The following SLC38A8 variants were observed in gnomAD, a reference collection of about 807,000 sequenced individuals.
SLC38A8 encodes the protein amino acid transporter SLC38A8.
In SLC38A8, 65 loss-of-function variants were observed where a neutral mutation model predicts 46.0. The observed-to-expected ratio is 1.41, with a 90% CI of 1.16 to 1.74. SLC38A8 has a LOEUF of 1.74. Ranked by LOEUF, SLC38A8 falls within the 40% of genes most tolerant of loss-of-function variation. The pLI is 0.00. For missense variants in SLC38A8, 998 were observed against 567.9 expected, an observed-to-expected ratio of 1.76 and a Z score of -7.70; for synonymous variants, 447 against 243.7, an observed-to-expected ratio of 1.83 and a Z score of -7.77.
intron 2 of SLC38A8, among the ~76,000 whole-genome samples, chr16:84,039,542 C>A (rs945909858): frequency 1.3e-5 from 2 of 152,028 alleles, no homozygotes; most frequent in Non-Finnish European, 2.9e-5. Context: ...GTCAGGAGAT[C>A]GAGACCATCC....
At chr16:84,022,318 T>C (rs529881192) in intron 7 of SLC38A8, among the ~76,000 whole-genome samples, 1 of 152,316 alleles carries the variant, frequency 6.6e-6, no homozygotes, top group Admixed American at 6.5e-5. Context: ...ACAGCCCCTC[T>C]CTGAGCCACA....
At chr16:84,010,930 C>T (rs1291206514) in intron 10 of SLC38A8, among the ~76,000 whole-genome samples, 1 of 152,112 alleles carries the variant, frequency 6.6e-6, no homozygotes, top group Admixed American at 6.6e-5. Flanking sequence ...CTGGGACTGG[C>T]AGCCACCGAG....
chr16:84,033,425 A>C lies in SLC38A8; in HGVS notation c.433T>G (p.Trp145Gly). 1 of 1,612,688 alleles carries C rather than the reference A, an allele frequency of 6.2e-7. No individual in the cohort carries two copies. The highest frequency in any genetic ancestry group is 1.3e-5 in the African/African-American group (1 of 75,020). ...LSGTPPAPQP[W>G]YADQRFTLPL... is the part of the protein sequence containing the mutation. ...AGGGTGAAGCGCTGGTCTGCGTACC[A>C]CGGCTGCGGGGCGGGCGGGGTGCCA... The change falls in exon 4 of 11, where the codon TGG (tryptophan) becomes GGG (glycine). Residue 145 changes from tryptophan to glycine, a missense_variant. Physicochemically the swap from Trp to Gly is radical, Grantham distance 184 (BLOSUM62 -2). Coordinates refer to ENST00000299709, the MANE Select transcript of SLC38A8 (RefSeq NM_001080442.3).
intron 9 of SLC38A8, 135 bp downstream of exon 9, chr16:84,016,384 C>A: frequency 1.1e-6 from 1 of 946,186 alleles, no homozygotes; most frequent in Admixed American, 2.9e-5. Context: ...ATAAAAAGGG[C>A]ACCTACATGG....
intron 8 of SLC38A8, among the ~76,000 whole-genome samples, 194 bp downstream of exon 8, chr16:84,016,946 G>T (rs1444399930): frequency 6.6e-6 from 1 of 152,194 alleles, no homozygotes; most frequent in African/African-American, 2.4e-5. Flanking sequence ...TCGCATTCCA[G>T]TCCTGGCTGT....
chr16:84,009,875 C>G lies in SLC38A8; in HGVS notation c.1217G>C (p.Cys406Ser). The change falls in exon 11 of 11, where the codon TGC becomes TCC. Residue 406 changes from cysteine to serine, a missense_variant and splice_region_variant. Transcript: ENST00000299709. ...GACCACTCCCCAGACCTCCAGGCAG[C>G]ACCTGCCAAGTGAATAAACCCATGT... is the stretch of plus-strand genomic sequence containing the variant. ...GVEPIGPRVK[C>S]CLEVWGVVSV... is the part of the protein sequence containing the mutation. The G allele has an allele frequency of 6.2e-7, 1 of 1,613,088 alleles. No individual in the cohort carries two copies. The highest frequency in any genetic ancestry group is 8.5e-7 in the Non-Finnish European group (1 of 1,179,766).
rs374692524 is a variant in SLC38A8 at position 84,017,130 on chromosome 16, C to T, written c.953+10G>A. 1 of 1,613,760 alleles carries T rather than the reference C, an allele frequency of 6.2e-7. No individual in the cohort carries two copies. On this transcript the variant is annotated intron_variant, in intron 8 of 10. Coordinates refer to ENST00000299709, the MANE Select transcript of SLC38A8 (RefSeq NM_001080442.3). ...TGCTTCACGGTGCCCCCCACTGAGC[C>T]AGGCCTCACCTCCCCAGGAAGAGCA...
At chr16:84,018,688 GCCTACGGATCTTATTAATTTT>G (rs2085060462) in intron 7 of SLC38A8, among the ~76,000 whole-genome samples, 1 of 152,152 alleles carries the variant, frequency 6.6e-6, no homozygotes, top group Non-Finnish European at 1.5e-5. Context: ...CAGGAGAAAA[GCCTACGGATCTTATTAATTTT>G]CCTTGTCATT....
At chr16:84,023,915 G>A (rs1332754067) in intron 6 of SLC38A8, among the ~76,000 whole-genome samples, 1 of 152,172 alleles carries the variant, frequency 6.6e-6, no homozygotes, top group Non-Finnish European at 1.5e-5. Flanking sequence ...AAGCCGGGCA[G>A]CAGAGAATGT....
chr16:84,024,140 G>C (rs2085131670), intron 6 of SLC38A8, among the ~76,000 whole-genome samples: 1 of 152,134 alleles, frequency 6.6e-6, no homozygotes, highest in Non-Finnish European at 1.5e-5. Flanking sequence ...AATGTCTGCA[G>C]ACATGGTCAA....
chr16:84,036,344 G>A (rs1161678229), intron 3 of SLC38A8, among the ~76,000 whole-genome samples: 2 of 152,226 alleles, frequency 1.3e-5, no homozygotes, highest in East Asian at 1.9e-4. Context: ...GGCCAAGGTT[G>A]GTGAGGGCTC....
intron 4 of SLC38A8, 53 bp from the exon 5 acceptor site, chr16:84,032,021 T>C (rs962649813): frequency 6.8e-7 from 1 of 1,473,070 alleles, no homozygotes; most frequent in Non-Finnish European, 9.5e-7. Context: ...GTGCGGTTGA[T>C]GCACGGGGAC....
At chr16:84,020,994 G>GC (rs1181733223) in intron 7 of SLC38A8, among the ~76,000 whole-genome samples, 3 of 152,154 alleles carry the variant, frequency 2.0e-5, no homozygotes, top group African/African-American at 7.2e-5. Flanking sequence ...GCTAAGAGTA[G>GC]CCATGCAGCA....
At chr16:84,026,464 T>A (rs111470080) in intron 6 of SLC38A8, among the ~76,000 whole-genome samples, 12,032 of 152,188 alleles carry the variant, frequency 0.079, 1,615 homozygotes, top group African/African-American at 0.28. Context: ...TGACCTCAGG[T>A]GATCCACCCG....
At chr16:84,035,903 G>A (rs898987404) in intron 3 of SLC38A8, among the ~76,000 whole-genome samples, 1 of 152,232 alleles carries the variant, frequency 6.6e-6, no homozygotes, top group Non-Finnish European at 1.5e-5. Context: ...TAATATGGTT[G>A]CAATGACGAT....
chr16:84,042,819 G>A (rs940205737), upstream of SLC38A8, among the ~76,000 whole-genome samples: 2 of 152,192 alleles, frequency 1.3e-5, no homozygotes, highest in African/African-American at 4.8e-5. Context: ...TCTGACCTGA[G>A]CAAGGAAGGC....
chr16:84,028,773 C>G (rs1257826143), intron 6 of SLC38A8, among the ~76,000 whole-genome samples: 1 of 151,180 alleles, frequency 6.6e-6, no homozygotes, highest in Non-Finnish European at 1.5e-5. Flanking sequence ...GGGGCCCGCT[C>G]ACATCGGTGA....
chr16:84,018,734 G>A (rs1018184834), intron 7 of SLC38A8, among the ~76,000 whole-genome samples: 1 of 152,166 alleles, frequency 6.6e-6, no homozygotes, highest in African/African-American at 2.4e-5. Context: ...TCTTAACACA[G>A]TGATGTCTGA....
At chr16:84,009,994 G>T in intron 10 of SLC38A8, 117 bp from the exon 11 acceptor site, 2 of 648,738 alleles carry the variant, frequency 3.1e-6, no homozygotes, top group Non-Finnish European at 4.6e-6. Flanking sequence ...TTGGAAAAAA[G>T]AAAAATTCAG....
Sources: gnomAD v4.1 joint callset for allele counts (sites outside exome capture counted in the v4.1 genomes callset) on GRCh38, gnomAD v4.1.1 for gene constraint, MANE v1.5 for transcripts, NCBI Gene and HGNC (gene_info 2026-07-23, HGNC 2026-07-21) for gene names.